ERAP1: variants seen among roughly 807,000 people sequenced by gnomAD.
ERAP1 encodes the protein endoplasmic reticulum aminopeptidase 1, also known as adipocyte-derived leucine aminopeptidase.
ERAP1 carries 86 observed loss-of-function variants against 103.7 expected under a neutral mutation model. The observed-to-expected ratio is 0.83, with a 90% CI of 0.70 to 0.99. The LOEUF (loss-of-function observed/expected upper bound fraction) is 0.99, where lower values mean the gene tolerates loss of function less well. Ranked by LOEUF, ERAP1 falls within the 50% of genes least tolerant of loss-of-function variation. The pLI is 0.00. For missense variants in ERAP1, 1,009 were observed against 1,128.4 expected (o/e 0.89, Z 1.52); for synonymous variants, 398 against 402.4 (o/e 0.99, Z 0.13).
chr5:96,779,816 C>G (rs913480300), intron 18 of ERAP1, among the ~76,000 whole-genome samples: 16 of 152,208 alleles, frequency 1.1e-4, no homozygotes, highest in African/African-American at 3.9e-4. Context: ...GAGAATAACT[C>G]ATACTGATTC....
the ERAP1 span, among the ~76,000 whole-genome samples, chr5:96,883,028 A>G: frequency 5.3e-5 from 8 of 152,138 alleles, no homozygotes; most frequent in Non-Finnish European, 1.0e-4. Context: ...ATCAGAGTAT[A>G]TATCTATTAT....
chr5:96,790,499 A>C lies in ERAP1; in HGVS notation c.1452+13T>G. ...TCAATCCCAAATGCAGAGATATTCA[A>C]AAACATACTCACACTTGCCATACTA... On this transcript the variant is annotated intron_variant, in intron 9 of 18. Transcript: ENST00000443439. 2 of 1,613,826 alleles carry C rather than the reference A, an allele frequency of 1.2e-6. No homozygotes were observed. Among genetic ancestry groups the C allele is most frequent in the Non-Finnish European group, 1.7e-6 (2 of 1,179,894 alleles).
At chr5:96,841,366 C>T in the ERAP1 span, among the ~76,000 whole-genome samples, 1 of 152,184 alleles carries the variant, frequency 6.6e-6, no homozygotes. Context: ...TTTCAACAAC[C>T]TCTGCTTAGA....
the ERAP1 span, chr5:96,902,182 T>C: frequency 1.2e-6 from 1 of 826,772 alleles, no homozygotes; most frequent in South Asian, 1.5e-5. Context: ...GATGGGTACT[T>C]AGGTGCCTTT....
In ERAP1 at chr5:96,781,209, TAAGAA is replaced by T. The variant is rs1276883420; in HGVS notation, c.2448-16_2448-12del. ...CTTTCATCTAGTAGCCTAGAAGGAT[TAAGAA>T]AAGAAATGTTAGCAATGAATAGGTG... On this transcript the variant is annotated splice_polypyrimidine_tract_variant and intron_variant, in intron 16 of 18. Coordinates refer to ENST00000443439, the MANE Select transcript of ERAP1 (RefSeq NM_001040458.3). 12 of 1,610,966 alleles carry T rather than the reference TAAGAA, an allele frequency of 7.4e-6. No homozygotes were observed. Among genetic ancestry groups the T allele is most frequent in the African/African-American group, 5.4e-5 (4 of 74,350 alleles).
chr5:96,886,764 G>C, the ERAP1 span: 1 of 1,521,758 alleles, frequency 6.6e-7, no homozygotes. Context: ...CACTCTCTGA[G>C]TGGCTTCACT....
At chr5:96,894,717 AG>A in the ERAP1 span, among the ~76,000 whole-genome samples, 85 of 152,214 alleles carry the variant, frequency 5.6e-4, no homozygotes, top group South Asian at 0.017. Context: ...TCAGGGGCAG[AG>A]GTTAACAACT....
the ERAP1 span, among the ~76,000 whole-genome samples, chr5:96,913,001 G>T: frequency 1.3e-5 from 2 of 152,250 alleles, no homozygotes; most frequent in Non-Finnish European, 2.9e-5. Context: ...TCATATGATT[G>T]AGACTAGACA....
chr5:96,891,347 ATATG>A, the ERAP1 span, among the ~76,000 whole-genome samples: 1 of 129,466 alleles, frequency 7.7e-6, no homozygotes, highest in Non-Finnish European at 1.6e-5. Context: ...CTGTATATGT[ATATG>A]TGTGTGTATA....
chr5:96,796,714 A>G (rs1777381741), intron 4 of ERAP1, among the ~76,000 whole-genome samples: 1 of 152,198 alleles, frequency 6.6e-6, no homozygotes. Context: ...ATCCGTGACA[A>G]CAGGCTGGCC....
chr5:96,790,560 A>T lies in ERAP1; in HGVS notation c.1404T>A (p.His468Gln). Residue 468 changes from histidine (H) to glutamine (Q), a missense_variant, in exon 9 of 19, where the codon CAT becomes CAA. His to Gln is a conservative substitution (Grantham distance 24). Coordinates refer to ENST00000443439, the MANE Select transcript of ERAP1 (RefSeq NM_001040458.3). ...CCTCGTTTTTTGTATTTTTATAGCT[A>T]TGCTTCTGGAGATACTGTACAATAC... ...KSGIVQYLQKHSYKNTKNEDL... is the reference protein window; with the variant it reads ...KSGIVQYLQKQSYKNTKNEDL... 6.2e-7 allele frequency: 1 copy of T among 1,613,890 alleles called. No homozygotes were observed. The highest frequency in any genetic ancestry group is 8.5e-7 in the Non-Finnish European group (1 of 1,179,768).
At chr5:96,851,757 A>C in the ERAP1 span, among the ~76,000 whole-genome samples, 1 of 152,210 alleles carries the variant, frequency 6.6e-6, no homozygotes, top group Non-Finnish European at 1.5e-5. Flanking sequence ...GAAGTAAGAG[A>C]TGCACAGTCA....
intron 13 of ERAP1, chr5:96,784,825 A>C (rs1775774480): frequency 6.6e-6 from 1 of 152,458 alleles, no homozygotes; most frequent in South Asian, 2.1e-4. Context: ...CCTTCATTAC[A>C]GAGGGTTAGT....
chr5:96,855,439 C>A, the ERAP1 span, among the ~76,000 whole-genome samples: 1 of 152,096 alleles, frequency 6.6e-6, no homozygotes, highest in Non-Finnish European at 1.5e-5. Flanking sequence ...ACACTGGAGA[C>A]AATTTTGTAG....
At chr5:96,797,441 G>A (rs1777468394) in intron 3 of ERAP1, 132 bp from the exon 4 acceptor site, 1 of 947,276 alleles carries the variant, frequency 1.1e-6, no homozygotes, top group East Asian at 2.6e-5. Flanking sequence ...GAGGTAGGCA[G>A]AATGCTTGAG....
the ERAP1 span, among the ~76,000 whole-genome samples, chr5:96,861,112 T>C: frequency 6.6e-6 from 1 of 152,188 alleles, no homozygotes; most frequent in African/African-American, 2.4e-5. Context: ...TGACAATTCT[T>C]TGAACTGCCA....
chr5:96,872,236 G>A, the ERAP1 span, among the ~76,000 whole-genome samples: 304 of 151,562 alleles, frequency 2.0e-3, 1 homozygote, highest in African/African-American at 7.0e-3. Flanking sequence ...GGAGCCATTC[G>A]TCATTTTATT....
upstream of ERAP1, among the ~76,000 whole-genome samples, chr5:96,811,828 G>C (rs1327793160): frequency 6.6e-6 from 1 of 152,096 alleles, no homozygotes; most frequent in African/African-American, 2.4e-5. Flanking sequence ...CCTCCCTCAG[G>C]CATTTATTTC....
intron 1 of ERAP1, among the ~76,000 whole-genome samples, chr5:96,806,289 A>T (rs1313831252): frequency 2.0e-5 from 3 of 151,122 alleles, no homozygotes; most frequent in Non-Finnish European, 4.4e-5. Flanking sequence ...GGAGGCAGTT[A>T]AAAAAAAAGA....
Sources: gnomAD v4.1 joint callset for allele counts (sites outside exome capture counted in the v4.1 genomes callset) on GRCh38, gnomAD v4.1.1 for gene constraint, MANE v1.5 for transcripts, NCBI Gene and HGNC (gene_info 2026-07-23, HGNC 2026-07-21) for gene names.